Variants in TEX11 observed in about 807,000 individuals in gnomAD.
TEX11 encodes testis-expressed protein 11.
Under a neutral mutation model 84.4 loss-of-function variants are expected in TEX11, and 7 were observed. The ratio of observed to expected loss-of-function variants is 0.08; its 90% CI spans 0.05 to 0.16. The LOEUF is 0.16. TEX11 is among the 10% of genes least tolerant of loss of function. The probability of loss-of-function intolerance (pLI) is 1.00; values close to 1 mark genes in which losing one functional copy is unlikely to be tolerated. For synonymous variants in TEX11, 264 were observed against 222.8 expected (o/e 1.18, Z -1.64); for missense variants, 551 against 660.5 (o/e 0.83, Z 1.82).
At chrX:70,782,322 T>A (rs962202589) in intron 9 of TEX11, among the ~76,000 whole-genome samples, 3 of 111,209 alleles carry the variant, frequency 2.7e-5, no homozygotes, top group African/African-American at 9.8e-5. Context: ...AAGGAAGCAC[T>A]AAACATGGAA....
intron 19 of TEX11, among the ~76,000 whole-genome samples, chrX:70,624,463 A>T (rs2089428879): frequency 8.9e-6 from 1 of 111,804 alleles, no homozygotes; most frequent in Non-Finnish European, 1.9e-5. Flanking sequence ...TAAAGTTTTA[A>T]AACCTAAAAA....
intron 12 of TEX11, 56 bp from the exon 13 acceptor site, chrX:70,722,752 T>C: frequency 1.1e-6 from 1 of 933,213 alleles, no homozygotes; most frequent in Non-Finnish European, 1.5e-6. Flanking sequence ...GAAGCTTAGT[T>C]ATTTTCAATA....
At chrX:70,807,004 A>G (rs977812551) in intron 8 of TEX11, among the ~76,000 whole-genome samples, 2 of 112,625 alleles carry the variant, frequency 1.8e-5, no homozygotes, top group Non-Finnish European at 3.7e-5. Context: ...CAATTTGTAT[A>G]AAGAAGAACT....
chrX:70,730,930 C>T (rs1441732310), intron 11 of TEX11, among the ~76,000 whole-genome samples: 1 of 111,716 alleles, frequency 9.0e-6, no homozygotes. Flanking sequence ...AAATGTAAAA[C>T]AACAGAAATT....
intron 16 of TEX11, among the ~76,000 whole-genome samples, chrX:70,668,907 G>T (rs987491608): frequency 1.6e-4 from 18 of 111,595 alleles, no homozygotes; most frequent in African/African-American, 5.5e-4. Flanking sequence ...TAGTATGTCT[G>T]CACACACTCC....
intron 24 of TEX11, among the ~76,000 whole-genome samples, chrX:70,598,802 C>T (rs953256486): frequency 2.7e-5 from 3 of 111,941 alleles, no homozygotes; most frequent in African/African-American, 9.8e-5. Context: ...ATTTGACTTT[C>T]GTGTAAAATA....
At chrX:70,806,928 A>T (rs1473033581) in intron 8 of TEX11, 138 bp from the exon 9 acceptor site, 9 of 415,231 alleles carry the variant, frequency 2.2e-5, no homozygotes, top group South Asian at 2.1e-4. Context: ...GTCTCAAAAA[A>T]CAAACAAACA....
intron 9 of TEX11, among the ~76,000 whole-genome samples, chrX:70,786,405 C>T (rs1461526247): frequency 3.6e-5 from 4 of 111,299 alleles, no homozygotes. Context: ...ACCAACATGG[C>T]ACATGTATAC....
chrX:70,882,033 A>G (rs775782741), intron 2 of TEX11, among the ~76,000 whole-genome samples: 8 of 106,305 alleles, frequency 7.5e-5, no homozygotes, highest in African/African-American at 2.4e-4. Flanking sequence ...ATCTCAAAAA[A>G]AAAAAAAAAA....
chrX:70,719,686 A>G (rs1178598529), intron 13 of TEX11, among the ~76,000 whole-genome samples: 1 of 112,172 alleles, frequency 8.9e-6, no homozygotes, highest in Non-Finnish European at 1.9e-5. Flanking sequence ...AAAAACAAAC[A>G]ACCCCATCAA....
chrX:70,742,202 T>C (rs2090737870), intron 10 of TEX11, among the ~76,000 whole-genome samples: 1 of 110,689 alleles, frequency 9.0e-6, no homozygotes. Flanking sequence ...TCTTGGCATT[T>C]ACATTTATGG....
chrX:70,806,371 G>A (rs762316680), intron 9 of TEX11, among the ~76,000 whole-genome samples: 5 of 110,191 alleles, frequency 4.5e-5, no homozygotes, highest in African/African-American at 9.9e-5. Context: ...TCAGAGGATC[G>A]CTTGAGCCCA....
In TEX11 at chrX:70,607,028, A is replaced by C. The variant is rs1233866484; in HGVS notation, c.1881T>G (p.Ala627=). 2 of 1,182,712 alleles carry C rather than the reference A, an allele frequency of 1.7e-6. No individual in the cohort carries two copies. The highest frequency in any genetic ancestry group is 2.3e-6 in the Non-Finnish European group (2 of 877,995). The change falls in exon 23 of 30, where the codon GCT becomes GCG. Residue 627 remains alanine, a splice_region_variant and synonymous_variant. Coordinates refer to ENST00000374333, the MANE Select transcript of TEX11 (RefSeq NM_031276.3). ...ANEAQWFRKT[A]WNLAVQCDKD... ...TGTCACATTGCACAGCCAAGTTCCAAGCTGGAAATTAACATGAAATAACAT... is the reference window on the plus strand; with the variant it reads ...TGTCACATTGCACAGCCAAGTTCCACGCTGGAAATTAACATGAAATAACAT...
intron 8 of TEX11, among the ~76,000 whole-genome samples, chrX:70,812,368 C>T (rs1467232378): frequency 5.5e-5 from 6 of 110,085 alleles, no homozygotes; most frequent in African/African-American, 1.7e-4. Context: ...ACCACCAGGC[C>T]GGCTAATTTT....
intron 13 of TEX11, among the ~76,000 whole-genome samples, chrX:70,695,669 A>C (rs890785882): frequency 1.8e-5 from 2 of 112,164 alleles, no homozygotes; most frequent in Non-Finnish European, 3.8e-5. Context: ...ATAACATAAA[A>C]TTGGGCATTT....
intron 2 of TEX11, among the ~76,000 whole-genome samples, chrX:70,890,642 T>C (rs1424187414): frequency 8.9e-6 from 1 of 112,171 alleles, no homozygotes; most frequent in Non-Finnish European, 1.9e-5. Flanking sequence ...GGCAGCAGCC[T>C]AGCAGGGGGA....
At chrX:70,847,185 T>A (rs940181268) in intron 7 of TEX11, among the ~76,000 whole-genome samples, 10 of 111,649 alleles carry the variant, frequency 9.0e-5, no homozygotes, top group African/African-American at 3.3e-4. Context: ...ATTGGAAGCT[T>A]ACTGAAGTCC....
intron 13 of TEX11, among the ~76,000 whole-genome samples, chrX:70,710,712 T>C (rs1171517886): frequency 9.0e-6 from 1 of 110,613 alleles, no homozygotes; most frequent in East Asian, 2.8e-4. Context: ...CTTCAGCTGA[T>C]CTAGCCAATC....
At chrX:70,529,657 C>T (rs2087858638) in intron 29 of TEX11, among the ~76,000 whole-genome samples, 178 bp downstream of exon 29, 1 of 111,655 alleles carries the variant, frequency 9.0e-6, no homozygotes, top group Non-Finnish European at 1.9e-5. Flanking sequence ...GGTTTTTGCT[C>T]TAAGGAATTA....
Sources: gnomAD v4.1 joint callset for allele counts (sites outside exome capture counted in the v4.1 genomes callset) on GRCh38, gnomAD v4.1.1 for gene constraint, MANE v1.5 for transcripts, NCBI Gene and HGNC (gene_info 2026-07-23, HGNC 2026-07-21) for gene names.